MRPS25: variants seen among roughly 807,000 people sequenced by gnomAD.
MRPS25 encodes small ribosomal subunit protein mS25.
Under a neutral mutation model 17.3 loss-of-function variants are expected in MRPS25, and 15 were observed. The ratio of observed to expected loss-of-function variants is 0.87; its 90% CI spans 0.58 to 1.34. The LOEUF is 1.34. Among genes scored for constraint, MRPS25 ranks in the 40% most tolerant of loss-of-function variants. The pLI is 0.00. For missense variants in MRPS25, 225 were observed against 218.6 expected, an observed-to-expected ratio of 1.03 and a Z score of -0.19; for synonymous variants, 94 against 83.3, an observed-to-expected ratio of 1.13 and a Z score of -0.70.
intron 1 of MRPS25, among the ~76,000 whole-genome samples, chr3:15,060,356 A>AT (rs961781673): frequency 2.6e-5 from 4 of 151,932 alleles, no homozygotes; most frequent in Admixed American, 6.6e-5. Flanking sequence ...CTATAAAAAA[A>AT]TTAAAAATTA....
At chr3:15,052,728 G>C (rs1418043141) in intron 3 of MRPS25, 95 bp from the exon 4 acceptor site, 2 of 1,278,108 alleles carry the variant, frequency 1.6e-6, no homozygotes, top group Non-Finnish European at 2.2e-6. Flanking sequence ...CATCCACCAG[G>C]GACACCTGGA....
In MRPS25 at chr3:15,053,383, T is replaced by C; in HGVS notation, c.326A>G (p.Asn109Ser). 4 of 1,614,206 alleles carry C rather than the reference T, an allele frequency of 2.5e-6. No homozygotes were observed. Among genetic ancestry groups the C allele is most frequent in the Non-Finnish European group, 3.4e-6 (4 of 1,180,026 alleles). The change falls in exon 3 of 4, where the codon AAT becomes AGT. Residue 109 changes from asparagine (N) to serine (S), a missense_variant. Transcript: ENST00000253686. ...MEHIRKILGK[N>S]EETLREEEEE... The stretch of plus-strand genomic sequence containing the variant: ...CAGGTCAAACCAAACAACTCACTCA[T>C]TCTTCCCCAAGATTTTTCTGATGTG...
At chr3:15,046,970 C>G (rs1234912760), downstream of MRPS25, 5 of 152,670 alleles carry the variant, frequency 3.3e-5, no homozygotes, top group Non-Finnish European at 7.3e-5. Context: ...GTGCCTCCCA[C>G]CAGCGTGCAC....
chr3:15,043,169 G>T (rs143800576), downstream of MRPS25: 837 of 516,298 alleles, frequency 1.6e-3, 5 homozygotes, highest in African/African-American at 0.015. Context: ...GCAATTAAAA[G>T]ACTAGTAGGA....
chr3:15,059,099 G>C (rs1276454564), intron 2 of MRPS25, among the ~76,000 whole-genome samples: 1 of 151,382 alleles, frequency 6.6e-6, no homozygotes, highest in Non-Finnish European at 1.5e-5. Context: ...CTTGAGCAAA[G>C]GCATCACAGC....
At chr3:15,060,530 A>AG (rs961483351) in intron 1 of MRPS25, among the ~76,000 whole-genome samples, 8 of 151,400 alleles carry the variant, frequency 5.3e-5, no homozygotes, top group Non-Finnish European at 7.4e-5. Flanking sequence ...AAAAAAAAAA[A>AG]AAAAGAAAAG....
At position 15,065,183 on chromosome 3, in the gene MRPS25, C is replaced by T; in HGVS notation, c.12G>A (p.Lys4=). 3 of 1,601,914 alleles carry T rather than the reference C, an allele frequency of 1.9e-6. No homozygotes were observed. Among genetic ancestry groups the T allele is most frequent in the Non-Finnish European group, 1.7e-6 (2 of 1,174,896 alleles). Residue 4 remains lysine, a synonymous_variant, in exon 1 of 4, where the codon AAG becomes AAA. Transcript: ENST00000253686. ...GGGTGCGGCGGATGGGGAAGCGGCC[C>T]TTCATGGGCATGGCGGCAACGGTGG... The part of the protein sequence containing the change: MPM[K]GRFPIRRTLQ...
chr3:15,065,185 T>C lies in MRPS25; in HGVS notation c.10A>G (p.Lys4Glu), dbSNP rs1218934967. Residue 4 changes from lysine to glutamate, a missense_variant, in exon 1 of 4, where the codon AAG becomes GAG. By Grantham distance (56) the Lys-to-Glu change is moderately conservative (BLOSUM62 1). Coordinates refer to ENST00000253686, the MANE Select transcript of MRPS25 (RefSeq NM_022497.5). MPM[K>E]GRFPIRRTLQ... is the part of the protein sequence containing the mutation. ...GTGCGGCGGATGGGGAAGCGGCCCT[T>C]CATGGGCATGGCGGCAACGGTGGCG... 1 of 1,601,358 alleles carries C rather than the reference T, an allele frequency of 6.2e-7. No individual in the cohort carries two copies. The highest frequency in any genetic ancestry group is 1.1e-5 in the South Asian group (1 of 89,096).
Position 15,049,690 on chromosome 3 carries a change from T to C in MRPS25, c.*2751A>G, listed in dbSNP as rs1336839347. On this transcript the variant is annotated 3_prime_UTR_variant, in exon 4 of 4. Coordinates refer to ENST00000253686, the MANE Select transcript of MRPS25 (RefSeq NM_022497.5). ...CAAAAGTTTCAGAAGTTAGAACATA[T>C]TCATTATGTCATCTGACCTCTCATG... 1.6e-5 allele frequency: 9 copies of C among 558,360 alleles called. No homozygotes were observed. Among genetic ancestry groups the C allele is most frequent in the African/African-American group, 7.9e-5 (4 of 50,860 alleles). The allele number at this position is 558,360 out of a possible 1,614,324, so 34.6% of individuals were successfully genotyped here.
At chr3:15,061,005 G>A (rs576531382) in intron 1 of MRPS25, among the ~76,000 whole-genome samples, 1 of 152,154 alleles carries the variant, frequency 6.6e-6, no homozygotes, top group Non-Finnish European at 1.5e-5. Context: ...CTTCCAGGGC[G>A]TAGCAGGCCT....
At chr3:15,053,137 C>T (rs888588883) in intron 3 of MRPS25, among the ~76,000 whole-genome samples, 4 of 152,174 alleles carry the variant, frequency 2.6e-5, no homozygotes, top group Non-Finnish European at 5.9e-5. Flanking sequence ...TCCCGTCCCC[C>T]GCAAGAGGGA....
chr3:15,062,679 T>G (rs888954411), intron 1 of MRPS25, among the ~76,000 whole-genome samples: 2 of 152,120 alleles, frequency 1.3e-5, no homozygotes, highest in African/African-American at 4.8e-5. Context: ...CGTGTCTGTG[T>G]GGAAAGAGGT....
intron 1 of MRPS25, among the ~76,000 whole-genome samples, chr3:15,060,965 C>A (rs2042745881): frequency 6.6e-6 from 1 of 152,170 alleles, no homozygotes; most frequent in Admixed American, 6.5e-5. Context: ...TCACAGCACA[C>A]AGACCTGGGA....
chr3:15,061,950 G>A (rs1482528045), intron 1 of MRPS25, among the ~76,000 whole-genome samples: 1 of 142,504 alleles, frequency 7.0e-6, no homozygotes, highest in Non-Finnish European at 1.5e-5. Context: ...CAGCCGCCCC[G>A]TCTGAGAAGT....
At position 15,051,979 on chromosome 3, in the gene MRPS25, C is replaced by A; in HGVS notation, c.*462G>T. On this transcript the variant is annotated 3_prime_UTR_variant, in exon 4 of 4. Transcript: ENST00000253686. ...TGAAAAATACCCCCAAGGAACTGAA[C>A]GGAGGGGTGTACACACTGCCAACCA... 2.0e-6 allele frequency: 2 copies of A among 987,688 alleles called. No homozygotes were observed. Among genetic ancestry groups the A allele is most frequent in the Non-Finnish European group, 2.4e-6 (2 of 831,636 alleles). The allele number at this position is 987,688 out of a possible 1,614,324, so 61.2% of individuals were successfully genotyped here. A position where few individuals can be genotyped will look rare whatever the true frequency, so the allele number is the denominator to read the frequency against.
chr3:15,054,142 C>T (rs2042641061), intron 2 of MRPS25, among the ~76,000 whole-genome samples: 1 of 151,686 alleles, frequency 6.6e-6, no homozygotes, highest in Non-Finnish European at 1.5e-5. Flanking sequence ...ACCCAGGAGG[C>T]AGAGGTTGCA....
chr3:15,042,583 G>A, downstream of MRPS25: 1 of 359,124 alleles, frequency 2.8e-6, no homozygotes, highest in Admixed American at 4.4e-5. Flanking sequence ...TCTTGGTGGT[G>A]GGGGTGAGGA....
chr3:15,052,146 A>G lies in MRPS25; in HGVS notation c.*295T>C. 1 of 1,117,730 alleles carries G rather than the reference A, an allele frequency of 8.9e-7. No homozygotes were observed. The highest frequency in any genetic ancestry group is 1.1e-6 in the Non-Finnish European group (1 of 914,112). The allele number at this position is 1,117,730 out of a possible 1,614,324, so 69.2% of individuals were successfully genotyped here. On this transcript the variant is annotated 3_prime_UTR_variant, in exon 4 of 4. Coordinates refer to ENST00000253686, the MANE Select transcript of MRPS25 (RefSeq NM_022497.5). The stretch of plus-strand genomic sequence containing the variant: ...CAACAGGCTGTGGCCTTAACCTCTC[A>G]GGCCCAAAGCCTTTCTGCTACACAG...
chr3:15,046,864 A>C (rs955368871), downstream of MRPS25: 3 of 152,614 alleles, frequency 2.0e-5, no homozygotes, highest in African/African-American at 7.2e-5. Context: ...CTCTTTGAAA[A>C]TGTCTTAACT....
Sources: allele counts gnomAD v4.1 joint callset (sites outside exome capture counted in the v4.1 genomes callset), GRCh38; gene constraint gnomAD v4.1.1; transcripts MANE v1.5; gene names NCBI Gene and HGNC (gene_info 2026-07-23, HGNC 2026-07-21).